The following CEP83 variants were observed in gnomAD, a reference collection of about 807,000 sequenced individuals.
CEP83 encodes centrosomal protein 83.
Under a neutral mutation model 101.9 loss-of-function variants are expected in CEP83, and 70 were observed. The observed-to-expected ratio is 0.69, with a 90% CI of 0.57 to 0.84. The LOEUF is 0.84. Among genes scored for constraint, CEP83 ranks in the 40% least tolerant of loss-of-function variants. The pLI is 0.00. For missense variants in CEP83, 715 were observed against 787.2 expected, an observed-to-expected ratio of 0.91 and a Z score of 1.10; for synonymous variants, 264 against 267.9, an observed-to-expected ratio of 0.99 and a Z score of 0.14.
rs372590885 is a variant in CEP83 at position 94,459,807 on chromosome 12, GGGC to G, written c.-408_-406del. On this transcript the variant is annotated 5_prime_UTR_variant, in exon 1 of 17. Transcript: ENST00000397809. ...GTGAAGTATCCCGGGAGAGGTCCGA[GGGC>G]GGCGGCGGCGGCGGTGAAAAGCCCC... 7 of 153,918 alleles carry G rather than the reference GGGC, an allele frequency of 4.5e-5. No individual in the cohort carries two copies. The highest frequency in any genetic ancestry group is 3.8e-4 in the East Asian group (2 of 5,252). 9.5% of individuals were successfully genotyped at this position (153,918 alleles called of 1,614,324 possible).
At position 94,310,058 on chromosome 12, in the gene CEP83, CTT is replaced by C; in HGVS notation, c.1859_1860del (p.Lys620ArgfsTer7). ...AATTCATTATGTCTTCTCTGTATAT[CTT>C]TTAGTCTTTTTTGAAGCCTTGTATA... ...EDYTRLQKRL[K>X]DIQRRHNEFR... On this transcript the variant is annotated frameshift_variant, in exon 16 of 17. Transcript: ENST00000397809. LOFTEE classifies it high-confidence loss of function. 1 of 1,604,844 alleles carries C rather than the reference CTT, an allele frequency of 6.2e-7. No homozygotes were observed. The highest frequency in any genetic ancestry group is 8.5e-7 in the Non-Finnish European group (1 of 1,172,592).
chr12:94,281,220 A>G, the CEP83 span, among the ~76,000 whole-genome samples: 1 of 152,206 alleles, frequency 6.6e-6, no homozygotes, highest in African/African-American at 2.4e-5. Flanking sequence ...CAGAGGTTGC[A>G]GTGAGCCCAG....
At chr12:94,440,875 C>T (rs180992205) in intron 1 of CEP83, among the ~76,000 whole-genome samples, 2 of 152,090 alleles carry the variant, frequency 1.3e-5, no homozygotes, top group Non-Finnish European at 2.9e-5. Flanking sequence ...GAAACAAAGC[C>T]AAGTACTTAC....
chr12:94,419,891 C>T (rs1247581971), intron 2 of CEP83, among the ~76,000 whole-genome samples: 1 of 152,090 alleles, frequency 6.6e-6, no homozygotes, highest in East Asian at 1.9e-4. Context: ...CACAAAGTTG[C>T]CACAATATAG....
At chr12:94,382,199 G>A (rs1024306520) in intron 6 of CEP83, among the ~76,000 whole-genome samples, 1 of 151,920 alleles carries the variant, frequency 6.6e-6, no homozygotes, top group Non-Finnish European at 1.5e-5. Flanking sequence ...AAGGTCATGA[G>A]TGATACTCTT....
chr12:94,277,741 A>G, the CEP83 span: 21 of 350,508 alleles, frequency 6.0e-5, no homozygotes, highest in Admixed American at 1.2e-4. Context: ...ATGAGTGGAT[A>G]CTAATGCCAA....
In CEP83 at chr12:94,369,804, TAAAAC is replaced by T. The variant is rs1593473386; in HGVS notation, c.1048+113_1048+117del. ...AAACATTTCATATGTACTCCAAAAT[TAAAAC>T]TAAATTAAGTTGAAAATTTGGAAAT... On this transcript the variant is annotated intron_variant, in intron 9 of 16. Coordinates refer to ENST00000397809, the MANE Select transcript of CEP83 (RefSeq NM_016122.3). The T allele has an allele frequency of 8.1e-6, 5 of 618,658 alleles. No homozygotes were observed. The East Asian group carries it at 1.4e-4, about 17-fold the overall frequency. 38.3% of individuals were successfully genotyped at this position (618,658 alleles called of 1,614,324 possible).
rs11835341 is a variant in CEP83 at position 94,445,842 on chromosome 12, C to T, written c.-154-10515G>A. The stretch of plus-strand genomic sequence containing the variant: ...TATGGGTGTGTATTTAAGTGCACCA[C>T]GCAATGGAATGTCATCCTGTCCAGG... On this transcript the variant is annotated intron_variant, in intron 1 of 16. Transcript: ENST00000397809. Among the ~76,000 whole-genome samples the T allele has an allele frequency of 3.7e-3, 558 of 152,276 alleles. 5 individuals are homozygous for T. The highest frequency in any genetic ancestry group is 0.012 in the African/African-American group (519 of 41,542).
intron 15 of CEP83, among the ~76,000 whole-genome samples, chr12:94,310,906 A>C (rs998397087): frequency 1.3e-5 from 2 of 152,120 alleles, no homozygotes; most frequent in Non-Finnish European, 2.9e-5. Context: ...GAAACTCTGA[A>C]GTGATAAGAG....
At chr12:94,296,307 T>A in the CEP83 span, among the ~76,000 whole-genome samples, 1,388 of 152,100 alleles carry the variant, frequency 9.1e-3, 25 homozygotes, top group African/African-American at 0.032. Context: ...ATTACAGGAG[T>A]GTGCTACCAT....
At chr12:94,375,057 C>G (rs1263755324) in intron 8 of CEP83, among the ~76,000 whole-genome samples, 8 of 152,064 alleles carry the variant, frequency 5.3e-5, no homozygotes, top group African/African-American at 4.8e-5. Flanking sequence ...TGTGCCGGCA[C>G]CATTCTAGAA....
rs114605941 is a variant in CEP83 at position 94,387,337 on chromosome 12, G to C, written c.550-8295C>G. Among the ~76,000 whole-genome samples, 715 of 152,302 alleles carry C rather than the reference G, an allele frequency of 4.7e-3. 9 individuals carry two copies. The highest frequency in any genetic ancestry group is 0.016 in the African/African-American group (682 of 41,562). On this transcript the variant is annotated intron_variant, in intron 6 of 16. Coordinates refer to ENST00000397809, the MANE Select transcript of CEP83 (RefSeq NM_016122.3). ...TCAGTGGGAGCATTAGATTCTCATAGTGGTGTGAACCCTATTGCGAACTGC... is the reference window on the plus strand; with the variant it reads ...TCAGTGGGAGCATTAGATTCTCATACTGGTGTGAACCCTATTGCGAACTGC...
chr12:94,444,811 A>C (rs993175398), intron 1 of CEP83, among the ~76,000 whole-genome samples: 11 of 152,220 alleles, frequency 7.2e-5, no homozygotes, highest in African/African-American at 2.7e-4. Context: ...CAGCCTGGGC[A>C]ACATAGTGAG....
At chr12:94,278,014 A>G in the CEP83 span, 1 of 455,950 alleles carries the variant, frequency 2.2e-6, no homozygotes, top group East Asian at 6.9e-5. Context: ...ATACCTGGCT[A>G]GTGTCCACAG....
chr12:94,422,036 T>C (rs1373805264), intron 2 of CEP83, among the ~76,000 whole-genome samples: 2 of 152,250 alleles, frequency 1.3e-5, no homozygotes, highest in Non-Finnish European at 1.5e-5. Flanking sequence ...CATGCCTATA[T>C]AGGCCCAAGC....
intron 11 of CEP83, among the ~76,000 whole-genome samples, chr12:94,366,937 A>C (rs1474388451): frequency 6.6e-6 from 1 of 152,152 alleles, no homozygotes; most frequent in African/African-American, 2.4e-5. Context: ...AGAAAAGTTA[A>C]GCAACAAAAA....
At chr12:94,409,826 C>T (rs1408136224) in intron 4 of CEP83, among the ~76,000 whole-genome samples, 1 of 152,134 alleles carries the variant, frequency 6.6e-6, no homozygotes, top group Non-Finnish European at 1.5e-5. Flanking sequence ...CTCCTCTCTA[C>T]CCCATCTGTC....
At chr12:94,364,107 T>G (rs1398840486) in intron 11 of CEP83, among the ~76,000 whole-genome samples, 1 of 151,972 alleles carries the variant, frequency 6.6e-6, no homozygotes, top group East Asian at 1.9e-4. Context: ...TTTGGGAGGA[T>G]GGGCTAAAGG....
At chr12:94,337,863 G>C (rs1160916502) in intron 11 of CEP83, among the ~76,000 whole-genome samples, 4 of 152,094 alleles carry the variant, frequency 2.6e-5, no homozygotes, top group Non-Finnish European at 5.9e-5. Context: ...AAATAGAAAG[G>C]GAGGAGAGAA....
Sources: gnomAD v4.1 joint callset for allele counts (sites outside exome capture counted in the v4.1 genomes callset) on GRCh38, gnomAD v4.1.1 for gene constraint, MANE v1.5 for transcripts, NCBI Gene and HGNC (gene_info 2026-07-23, HGNC 2026-07-21) for gene names.